DLGAP1: variants seen among roughly 807,000 people sequenced by gnomAD.
The protein encoded by DLGAP1 is disks large-associated protein 1.
A neutral mutation model predicts 90.8 loss-of-function variants in DLGAP1; 11 were observed. The observed-to-expected ratio is 0.12, with a 90% confidence interval of 0.08 to 0.20. The LOEUF (loss-of-function observed/expected upper bound fraction) is 0.20. Ranked by LOEUF, DLGAP1 falls within the 10% of genes least tolerant of loss-of-function variation. DLGAP1 has a pLI of 1.00. For missense variants in DLGAP1, 1,050 were observed against 1,333.8 expected, an observed-to-expected ratio of 0.79 and a Z score of 3.31; for synonymous variants, 558 against 540.7, an observed-to-expected ratio of 1.03 and a Z score of -0.44.
At chr18:4,068,607 T>C (rs2143426277) in intron 2 of DLGAP1, among the ~76,000 whole-genome samples, 1 of 152,306 alleles carries the variant, frequency 6.6e-6, no homozygotes, top group East Asian at 1.9e-4. Context: ...GTATACATTA[T>C]TGTATAAAAA....
intron 7 of DLGAP1, among the ~76,000 whole-genome samples, chr18:3,635,120 G>A (rs2058651155): frequency 6.6e-6 from 1 of 150,482 alleles, no homozygotes; most frequent in African/African-American, 2.5e-5. Flanking sequence ...CAAGAGTCTG[G>A]TTGTCTGTCC....
intron 1 of DLGAP1, among the ~76,000 whole-genome samples, chr18:4,450,029 G>A (rs1191676538): frequency 2.0e-5 from 3 of 152,192 alleles, no homozygotes; most frequent in African/African-American, 7.2e-5. Context: ...ATGAAAAGGT[G>A]ACTTTGCCTT....
intron 7 of DLGAP1, among the ~76,000 whole-genome samples, chr18:3,720,488 G>A (rs770463707): frequency 3.0e-4 from 45 of 152,166 alleles, no homozygotes; most frequent in Non-Finnish European, 5.0e-4. Flanking sequence ...ACACTTGGCA[G>A]CAGGAAAGTT....
chr18:4,211,001 T>C (rs1186336384), intron 1 of DLGAP1, among the ~76,000 whole-genome samples: 1 of 152,194 alleles, frequency 6.6e-6, no homozygotes, highest in Non-Finnish European at 1.5e-5. Context: ...TAATTACCCA[T>C]AAGTTTGAAG....
chr18:3,763,658 TC>T (rs1352114389), intron 5 of DLGAP1, among the ~76,000 whole-genome samples: 1 of 152,034 alleles, frequency 6.6e-6, no homozygotes, highest in Non-Finnish European at 1.5e-5. Flanking sequence ...GAAAGGCCTA[TC>T]TTTTTTTTTT....
intron 3 of DLGAP1, among the ~76,000 whole-genome samples, chr18:3,927,427 A>G (rs965538280): frequency 5.9e-5 from 9 of 152,382 alleles, no homozygotes; most frequent in African/African-American, 1.7e-4. Flanking sequence ...CAAAATAAAT[A>G]CTTGTTAAAA....
At chr18:3,871,072 T>C (rs2070722717) in intron 4 of DLGAP1, among the ~76,000 whole-genome samples, 1 of 152,224 alleles carries the variant, frequency 6.6e-6, no homozygotes, top group East Asian at 1.9e-4. Flanking sequence ...CTTAAAAGGA[T>C]GTTATGAGAA....
intron 1 of DLGAP1, among the ~76,000 whole-genome samples, chr18:4,230,989 G>C (rs563073199): frequency 6.6e-6 from 1 of 151,972 alleles, no homozygotes; most frequent in Admixed American, 6.6e-5. Flanking sequence ...GCTGTCCGTG[G>C]TACTTGTCCA....
At chr18:3,974,294 T>G (rs1286493245) in intron 3 of DLGAP1, among the ~76,000 whole-genome samples, 2 of 152,134 alleles carry the variant, frequency 1.3e-5, no homozygotes, top group African/African-American at 2.4e-5. Context: ...CAGGATAGTC[T>G]CAATCTCCTG....
chr18:3,514,299 A>G (rs1055138792), intron 10 of DLGAP1, among the ~76,000 whole-genome samples: 1 of 152,032 alleles, frequency 6.6e-6, no homozygotes, highest in Non-Finnish European at 1.5e-5. Flanking sequence ...TTCTTACATG[A>G]TGCTACACCT....
At chr18:3,540,968 G>A (rs1414048856) in intron 9 of DLGAP1, among the ~76,000 whole-genome samples, 1 of 152,106 alleles carries the variant, frequency 6.6e-6, no homozygotes, top group Non-Finnish European at 1.5e-5. Flanking sequence ...TACCTTTGAT[G>A]GGCTGTCACT....
intron 7 of DLGAP1, among the ~76,000 whole-genome samples, chr18:3,600,921 GATATATATAGATAT>G (rs1430542019): frequency 7.3e-5 from 7 of 95,486 alleles, no homozygotes; most frequent in Admixed American, 3.1e-4. Flanking sequence ...GATAGATATA[GATATATATAGATAT>G]ATAGATAGAT....
intron 10 of DLGAP1, among the ~76,000 whole-genome samples, chr18:3,515,344 A>C (rs943312961): frequency 2.0e-5 from 3 of 151,548 alleles, no homozygotes; most frequent in Non-Finnish European, 4.4e-5. Context: ...GGTGGCGGGC[A>C]CTGTAGACCC....
chr18:4,331,337 T>C (rs1295362870), intron 1 of DLGAP1, among the ~76,000 whole-genome samples: 1 of 151,754 alleles, frequency 6.6e-6, no homozygotes, highest in East Asian at 1.9e-4. Context: ...GACAGAAACT[T>C]AGGAAATGAC....
chr18:4,127,956 A>G (rs939556133), intron 2 of DLGAP1, among the ~76,000 whole-genome samples: 2 of 152,226 alleles, frequency 1.3e-5, no homozygotes, highest in African/African-American at 4.8e-5. Flanking sequence ...AATAGTCCAC[A>G]GTAAGACTGA....
chr18:3,566,644 A>T (rs887669608), intron 9 of DLGAP1, among the ~76,000 whole-genome samples: 88 of 152,166 alleles, frequency 5.8e-4, no homozygotes, highest in Admixed American at 5.8e-3. Context: ...GATAGGTGAC[A>T]TTCAAATGAT....
At chr18:3,611,690 A>G (rs1675253) in intron 7 of DLGAP1, among the ~76,000 whole-genome samples, 17,155 of 152,214 alleles carry the variant, frequency 0.11, 3,239 homozygotes, top group African/African-American at 0.39. Flanking sequence ...GACCCCTGCC[A>G]GTGGTTTCAA....
intron 7 of DLGAP1, chr18:3,604,125 T>A (rs1330091878): frequency 6.5e-6 from 1 of 152,746 alleles, no homozygotes; most frequent in East Asian, 1.9e-4. Context: ...AGCTAACTCC[T>A]GCCAACATCG....
chr18:4,167,639 T>C (rs1443737049), intron 1 of DLGAP1, among the ~76,000 whole-genome samples: 1 of 152,128 alleles, frequency 6.6e-6, no homozygotes, highest in Non-Finnish European at 1.5e-5. Flanking sequence ...AGCCAGGATA[T>C]TAGCAAGTAT....
Sources: allele counts gnomAD v4.1 joint callset (sites outside exome capture counted in the v4.1 genomes callset), GRCh38; gene constraint gnomAD v4.1.1; transcripts MANE v1.5; gene names NCBI Gene and HGNC (gene_info 2026-07-23, HGNC 2026-07-21).